The following PTH2R variants were observed in gnomAD, a reference collection of about 807,000 sequenced individuals.
PTH2R encodes PTH2 receptor.
A neutral mutation model predicts 60.3 loss-of-function variants in PTH2R; 59 were observed. That is an observed-to-expected ratio of 0.98 (90% CI 0.79 to 1.22). PTH2R has a LOEUF of 1.22. Among genes scored for constraint, PTH2R ranks in the 50% most tolerant of loss-of-function variants. The pLI is 0.00. For synonymous variants in PTH2R, 256 were observed against 243.8 expected (o/e 1.05, Z -0.47); for missense variants, 749 against 682.6 (o/e 1.10, Z -1.08).
chr2:208,360,206 C>T (rs1462795098), exon 1 of PTH2R: 1 of 454,798 alleles, frequency 2.2e-6, no homozygotes, highest in African/African-American at 2.0e-5. Flanking sequence ...GAAAGCATTT[C>T]TTCAAGAAAA....
intron 1 of PTH2R, among the ~76,000 whole-genome samples, chr2:208,377,811 G>A (rs1427359520): frequency 6.6e-6 from 1 of 151,372 alleles, no homozygotes; most frequent in East Asian, 1.9e-4. Flanking sequence ...CATCTCAGAC[G>A]ATGGGCGGCC....
In PTH2R at chr2:208,443,347, G is replaced by C; in HGVS notation, c.510-1G>C. Reference sequence around the variant, plus strand: ...TAAATACTGAATATTTCTCTCCGTAGACGATTGCATTGCACTAGGAACTAT... The same window carrying C: ...TAAATACTGAATATTTCTCTCCGTACACGATTGCATTGCACTAGGAACTAT... On this transcript the variant is annotated splice_acceptor_variant, in intron 5 of 12. Transcript: ENST00000272847. LOFTEE classifies it high-confidence loss of function. The C allele has an allele frequency of 6.5e-7, 1 of 1,543,342 alleles. No individual in the cohort carries two copies. Among genetic ancestry groups the C allele is most frequent in the Non-Finnish European group, 8.7e-7 (1 of 1,147,404 alleles).
chr2:208,364,427 A>C (rs528785397), intron 1 of PTH2R, among the ~76,000 whole-genome samples: 1 of 152,180 alleles, frequency 6.6e-6, no homozygotes, highest in African/African-American at 2.4e-5. Flanking sequence ...AACAGGTCCA[A>C]CTGCATTGTT....
chr2:208,380,722 TGTGGA>T (rs1240123260), intron 1 of PTH2R, among the ~76,000 whole-genome samples: 3 of 152,086 alleles, frequency 2.0e-5, no homozygotes, highest in African/African-American at 7.3e-5. Flanking sequence ...ACCCAGGTGT[TGTGGA>T]GTGTGTCTGT....
intron 1 of PTH2R, among the ~76,000 whole-genome samples, chr2:208,389,207 A>G (rs894824161): frequency 4.0e-5 from 6 of 149,552 alleles, no homozygotes; most frequent in African/African-American, 1.5e-4. Context: ...CAGAATGATG[A>G]TACATTAAAA....
At chr2:208,406,776 G>T, upstream of PTH2R, 1 of 336,434 alleles carries the variant, frequency 3.0e-6, no homozygotes, top group Admixed American at 4.8e-5. Flanking sequence ...GCGGCGCGGG[G>T]CTGCGAGTCA....
At chr2:208,375,947 A>G (rs1246370159) in intron 1 of PTH2R, among the ~76,000 whole-genome samples, 1 of 152,130 alleles carries the variant, frequency 6.6e-6, no homozygotes, top group Non-Finnish European at 1.5e-5. Flanking sequence ...TTCCCATCCT[A>G]TCATGAATAG....
chr2:208,441,510 TATTAG>T (rs1195215859), intron 4 of PTH2R, among the ~76,000 whole-genome samples: 1 of 152,224 alleles, frequency 6.6e-6, no homozygotes, highest in Non-Finnish European at 1.5e-5. Flanking sequence ...AGTCTATTAG[TATTAG>T]ATTACATCCT....
At chr2:208,372,932 A>G (rs1339666956) in intron 1 of PTH2R, among the ~76,000 whole-genome samples, 1 of 152,000 alleles carries the variant, frequency 6.6e-6, no homozygotes, top group African/African-American at 2.4e-5. Context: ...CAAAAATACA[A>G]AAAATTAGCC....
chr2:208,387,599 T>TA (rs933013601), intron 1 of PTH2R, among the ~76,000 whole-genome samples: 14 of 152,218 alleles, frequency 9.2e-5, no homozygotes, highest in African/African-American at 3.4e-4. Flanking sequence ...AACCCTCCTT[T>TA]AAAAATGTGA....
At chr2:208,422,685 T>G (rs1000130847) in intron 1 of PTH2R, among the ~76,000 whole-genome samples, 2 of 152,172 alleles carry the variant, frequency 1.3e-5, no homozygotes, top group African/African-American at 4.8e-5. Context: ...ATTTTTTTGG[T>G]GATAATTGTA....
intron 1 of PTH2R, among the ~76,000 whole-genome samples, chr2:208,371,548 CA>C (rs771006696): frequency 1.1e-4 from 16 of 152,122 alleles, no homozygotes; most frequent in Non-Finnish European, 1.5e-4. Flanking sequence ...AACTAATTCG[CA>C]GGCCCTAGAC....
chr2:208,403,670 C>G (rs1025998573), upstream of PTH2R, among the ~76,000 whole-genome samples: 2 of 152,200 alleles, frequency 1.3e-5, no homozygotes, highest in Non-Finnish European at 2.9e-5. Context: ...CAACCACTTA[C>G]ATAGCTCAGA....
intron 1 of PTH2R, among the ~76,000 whole-genome samples, chr2:208,388,173 G>A (rs568543905): frequency 7.0e-5 from 10 of 143,768 alleles, no homozygotes; most frequent in African/African-American, 2.3e-4. Context: ...AAAATTAGCC[G>A]GGCGTGGTGG....
chr2:208,421,077 T>C (rs968897764), intron 1 of PTH2R, among the ~76,000 whole-genome samples: 13 of 152,210 alleles, frequency 8.5e-5, no homozygotes, highest in African/African-American at 3.1e-4. Flanking sequence ...TCACATGTAG[T>C]TAATTAAAAT....
At position 208,444,791 on chromosome 2, in the gene PTH2R, T is replaced by A; in HGVS notation, c.757T>A (p.Trp253Arg). 6.2e-7 allele frequency: 1 copy of A among 1,613,968 alleles called. No homozygotes were observed. The highest frequency in any genetic ancestry group is 8.5e-7 in the Non-Finnish European group (1 of 1,179,886). The change falls in exon 7 of 13, where the codon TGG (tryptophan) becomes AGG (arginine). Residue 253 changes from tryptophan (W) to arginine (R), a missense_variant. Transcript: ENST00000272847. ...TTACTTCCTGGCTACAAATTATTAT[T>A]GGATCCTGGTGGAAGGTCTCTACCT... ...FIYFLATNYY[W>R]ILVEGLYLHN... is the part of the protein sequence containing the mutation.
chr2:208,449,186 G>A (rs1276249888), intron 7 of PTH2R, among the ~76,000 whole-genome samples: 2 of 152,162 alleles, frequency 1.3e-5, no homozygotes, highest in Non-Finnish European at 2.9e-5. Context: ...ATGCCAGACT[G>A]TATGGTGGAT....
chr2:208,366,381 T>C (rs1327808581), intron 1 of PTH2R, among the ~76,000 whole-genome samples: 1 of 152,158 alleles, frequency 6.6e-6, no homozygotes. Flanking sequence ...CAGTACCTCC[T>C]ATCTGGAGAT....
At chr2:208,484,514 A>G (rs1703229131) in intron 10 of PTH2R, among the ~76,000 whole-genome samples, 3 of 152,234 alleles carry the variant, frequency 2.0e-5, no homozygotes, top group African/African-American at 2.4e-5. Context: ...ATTAGATTTA[A>G]TAAGATGGAT....
Sources: allele counts gnomAD v4.1 joint callset (sites outside exome capture counted in the v4.1 genomes callset), GRCh38; gene constraint gnomAD v4.1.1; transcripts MANE v1.5; gene names NCBI Gene and HGNC (gene_info 2026-07-23, HGNC 2026-07-21).